Variants in BUB1B observed in about 807,000 individuals in gnomAD.
BUB1B encodes the protein BUB1 mitotic checkpoint serine/threonine kinase B.
Under a neutral mutation model 137.7 loss-of-function variants are expected in BUB1B, and 86 were observed. That is an observed-to-expected ratio of 0.62 (90% confidence interval 0.52 to 0.75). The LOEUF is 0.75. Ranked by LOEUF, BUB1B falls within the 30% of genes least tolerant of loss-of-function variation. The pLI is 0.00. For missense variants in BUB1B, 1,130 were observed against 1,236.9 expected (o/e 0.91, Z 1.30); for synonymous variants, 420 against 417.9 (o/e 1.00, Z -0.06).
chr15:40,166,805 T>G (rs2037104051), intron 2 of BUB1B, among the ~76,000 whole-genome samples: 1 of 152,238 alleles, frequency 6.6e-6, no homozygotes, highest in Admixed American at 6.5e-5. Context: ...GTATTTGGTG[T>G]TGTCGATCTT....
chr15:40,188,619 G>C (rs2037398435), intron 8 of BUB1B, among the ~76,000 whole-genome samples: 1 of 126,992 alleles, frequency 7.9e-6, no homozygotes, highest in Admixed American at 9.1e-5. Flanking sequence ...GTCTTGCTCT[G>C]TTACCCAGGC....
At chr15:40,201,504 G>A (rs1224951699) in intron 12 of BUB1B, among the ~76,000 whole-genome samples, 1 of 152,080 alleles carries the variant, frequency 6.6e-6, no homozygotes, top group Non-Finnish European at 1.5e-5. Context: ...GATGGAATTG[G>A]CAAAATCCAG....
At chr15:40,219,200 G>A (rs532707276) in intron 22 of BUB1B, among the ~76,000 whole-genome samples, 13 of 152,200 alleles carry the variant, frequency 8.5e-5, no homozygotes, top group African/African-American at 2.9e-4. Flanking sequence ...GTGAGCCACC[G>A]TGTCTGGCCT....
chr15:40,185,335 C>G lies in BUB1B; in HGVS notation c.922C>G (p.Leu308Val), dbSNP rs781357180. ...CATGCCCAGGGCCAAAGAGAATGAG[C>G]TGCAAGCAGGCCCTTGGAACACAGG... is the stretch of plus-strand genomic sequence containing the variant. ...PPMPRAKENELQAGPWNTGRS... is the reference protein window; with the variant it reads ...PPMPRAKENEVQAGPWNTGRS... Residue 308 changes from leucine to valine, a missense_variant, in exon 7 of 23, where the codon CTG becomes GTG. Coordinates refer to ENST00000287598, the MANE Select transcript of BUB1B (RefSeq NM_001211.6). 1.1e-5 allele frequency: 17 copies of G among 1,614,082 alleles called. No individual in the cohort carries two copies. Among genetic ancestry groups the G allele is most frequent in the Non-Finnish European group, 1.4e-5 (17 of 1,180,052 alleles).
intron 20 of BUB1B, among the ~76,000 whole-genome samples, chr15:40,214,641 C>T (rs975928111): frequency 6.6e-6 from 1 of 152,064 alleles, no homozygotes; most frequent in Non-Finnish European, 1.5e-5. Context: ...TTAAAAGAAC[C>T]CTCAATGTGT....
At chr15:40,207,764 C>T (rs962111619) in intron 15 of BUB1B, among the ~76,000 whole-genome samples, 7 of 151,822 alleles carry the variant, frequency 4.6e-5, no homozygotes, top group Admixed American at 3.9e-4. Flanking sequence ...TTGCTGAGTG[C>T]ATTGGCTCTT....
At chr15:40,166,371 G>A (rs753473192) in intron 2 of BUB1B, 3 of 424,966 alleles carry the variant, frequency 7.1e-6, no homozygotes, top group South Asian at 1.6e-5. Flanking sequence ...ACGGAGTCTC[G>A]CTCTTTCGGC....
chr15:40,207,503 A>G (rs1035699047), intron 15 of BUB1B, among the ~76,000 whole-genome samples: 3 of 152,160 alleles, frequency 2.0e-5, no homozygotes, highest in Non-Finnish European at 4.4e-5. Flanking sequence ...TTCACATTGC[A>G]TGATTTGGGT....
intron 11 of BUB1B, 76 bp downstream of exon 11, chr15:40,200,435 G>C: frequency 9.3e-7 from 1 of 1,079,220 alleles, no homozygotes; most frequent in East Asian, 2.5e-5. Context: ...CTAGTGCCTT[G>C]AAGTCTCCTT....
chr15:40,174,842 T>C (rs1041081199), intron 4 of BUB1B, among the ~76,000 whole-genome samples: 1 of 152,122 alleles, frequency 6.6e-6, no homozygotes, highest in Admixed American at 6.5e-5. Context: ...CGGGCGCCTA[T>C]AGTCCCAGCT....
chr15:40,217,406 A>G, intron 20 of BUB1B, 90 bp from the exon 21 acceptor site: 1 of 1,397,930 alleles, frequency 7.2e-7, no homozygotes. Context: ...GCTAAGATGT[A>G]CCCAAGGTAC....
At chr15:40,165,012 C>A (rs1468632252) in intron 1 of BUB1B, 41 bp from the exon 2 acceptor site, 2 of 1,612,090 alleles carry the variant, frequency 1.2e-6, no homozygotes, top group South Asian at 2.2e-5. Context: ...CTATAATAGT[C>A]AATGTTGGTA....
rs1240090211 is a variant in BUB1B at position 40,212,522 on chromosome 15, G to C, written c.2409G>C (p.Trp803Cys). 1 of 1,612,744 alleles carries C rather than the reference G, an allele frequency of 6.2e-7. No individual in the cohort carries two copies. The highest frequency in any genetic ancestry group is 1.7e-5 in the Admixed American group (1 of 60,012). The stretch of plus-strand genomic sequence containing the variant: ...AGGTATCTTCTCAACCTGTCCCATG[G>C]GACTTTTATATCAACCTCAAGTTAA... ...VIKVSSQPVP[W>C]DFYINLKLKE... Residue 803 changes from tryptophan to cysteine, a missense_variant, in exon 19 of 23, where the codon TGG becomes TGC. Transcript: ENST00000287598.
rs188875795 is a variant in BUB1B, at chr15:40,164,472, C to T, written c.36-581C>T. Reference sequence around the variant, plus strand: ...TGAACTCCTGGGCTCAAGCACTTCTCCTGACTCAGCCTCCCAAAGTGGTAG... The same window carrying T: ...TGAACTCCTGGGCTCAAGCACTTCTTCTGACTCAGCCTCCCAAAGTGGTAG... On this transcript the variant is annotated intron_variant, in intron 1 of 22. Transcript: ENST00000287598. Among the ~76,000 whole-genome samples the T allele has an allele frequency of 2.8e-3, 429 of 152,218 alleles. 2 individuals carry two copies. The highest frequency in any genetic ancestry group is 5.2e-3 in the Admixed American group (79 of 15,292).
intron 20 of BUB1B, among the ~76,000 whole-genome samples, chr15:40,213,831 C>T (rs2037743596): frequency 6.6e-6 from 1 of 152,178 alleles, no homozygotes; most frequent in Admixed American, 6.5e-5. Flanking sequence ...AGCCACTGCA[C>T]CCGGCCAAGT....
At chr15:40,210,779 C>T (rs920119215) in intron 18 of BUB1B, among the ~76,000 whole-genome samples, 10 of 152,198 alleles carry the variant, frequency 6.6e-5, no homozygotes, top group African/African-American at 2.2e-4. Context: ...AACTGGATTA[C>T]AGGCATCTAA....
intron 10 of BUB1B, 54 bp downstream of exon 10, chr15:40,199,781 CATT>C (rs1283748485): frequency 1.0e-5 from 14 of 1,351,408 alleles, no homozygotes; most frequent in Non-Finnish European, 1.3e-5. Context: ...CAAATTTAAA[CATT>C]ATAAAAATAT....
Position 40,208,760 on chromosome 15 carries a change from T to TG in BUB1B, c.2134dup (p.Glu712GlyfsTer41). ...TTCCTGAGAAACTAGAACTTACTAA[T>TG]GAGACTTCAGGTAGGATATACATAC... On this transcript the variant is annotated frameshift_variant, in exon 16 of 23. Transcript: ENST00000287598. LOFTEE classifies it high-confidence loss of function. The TG allele has an allele frequency of 6.2e-7, 1 of 1,612,432 alleles. No individual in the cohort carries two copies. Among genetic ancestry groups the TG allele is most frequent in the Non-Finnish European group, 8.5e-7 (1 of 1,178,542 alleles).
intron 11 of BUB1B, 121 bp from the exon 12 acceptor site, chr15:40,200,810 C>T (rs1198020353): frequency 1.3e-6 from 1 of 787,786 alleles, no homozygotes; most frequent in African/African-American, 1.8e-5. Flanking sequence ...TTTGAATTGA[C>T]AGTAATAATT....
Sources: gnomAD v4.1 joint callset for allele counts (sites outside exome capture counted in the v4.1 genomes callset) on GRCh38, gnomAD v4.1.1 for gene constraint, MANE v1.5 for transcripts, NCBI Gene and HGNC (gene_info 2026-07-23, HGNC 2026-07-21) for gene names.